Variants in ERI1 observed in about 807,000 individuals in gnomAD.
The protein encoded by ERI1 is 3'-5' exoribonuclease 1.
A neutral mutation model predicts 39.7 loss-of-function variants in ERI1; 39 were observed. The observed-to-expected ratio is 0.98, with a 90% CI of 0.76 to 1.28. ERI1 has a LOEUF of 1.28. Ranked by LOEUF, ERI1 falls within the 50% of genes most tolerant of loss-of-function variation. The pLI is 0.00. For synonymous variants in ERI1, 204 were observed against 149.6 expected (o/e 1.36, Z -2.65); for missense variants, 581 against 416.9 (o/e 1.39, Z -3.43).
intron 3 of ERI1, among the ~76,000 whole-genome samples, chr8:9,092,952 T>A (rs924578464): frequency 6.6e-6 from 1 of 152,056 alleles, no homozygotes; most frequent in African/African-American, 2.4e-5. Context: ...TTGCTGGGAG[T>A]CTTTGGCGTT....
At chr8:9,052,772 C>T (rs1798400587) in intron 3 of ERI1, among the ~76,000 whole-genome samples, 1 of 152,160 alleles carries the variant, frequency 6.6e-6, no homozygotes, top group Admixed American at 6.5e-5. Flanking sequence ...TTGGAAATTT[C>T]CGAGTGGTTC....
At chr8:9,080,419 C>T (rs950622743) in intron 3 of ERI1, among the ~76,000 whole-genome samples, 1 of 152,304 alleles carries the variant, frequency 6.6e-6, no homozygotes, top group Middle Eastern at 3.4e-3. Context: ...TGACATTTCT[C>T]CTTGCAGCCT....
At chr8:9,035,026 A>T (rs1797797396), downstream of ERI1, among the ~76,000 whole-genome samples, 1 of 152,218 alleles carries the variant, frequency 6.6e-6, no homozygotes, top group South Asian at 2.1e-4. Context: ...TAACTGTCTC[A>T]TATTCTGTGA....
chr8:9,053,303 C>T (rs1327096414), intron 3 of ERI1, among the ~76,000 whole-genome samples: 3 of 152,182 alleles, frequency 2.0e-5, no homozygotes, highest in African/African-American at 7.2e-5. Flanking sequence ...AGGCAAGAGC[C>T]ACCGCGCCCA....
chr8:9,013,513 A>G (rs904640840), intron 3 of ERI1, among the ~76,000 whole-genome samples: 1 of 151,790 alleles, frequency 6.6e-6, no homozygotes, highest in Non-Finnish European at 1.5e-5. Flanking sequence ...CCAGGTCTCA[A>G]TCCTAGCCCC....
downstream of ERI1, among the ~76,000 whole-genome samples, chr8:9,036,616 C>G (rs980458579): frequency 6.6e-6 from 1 of 152,146 alleles, no homozygotes; most frequent in Non-Finnish European, 1.5e-5. Context: ...TTGCAGTGGT[C>G]TGGAACTGAA....
intron 3 of ERI1, among the ~76,000 whole-genome samples, chr8:9,041,217 T>C (rs1798007360): frequency 6.6e-6 from 1 of 152,160 alleles, no homozygotes; most frequent in South Asian, 2.1e-4. Flanking sequence ...TTCTGGAAAT[T>C]CAGGAGAAAC....
intron 3 of ERI1, among the ~76,000 whole-genome samples, chr8:9,040,642 C>T (rs887567176): frequency 1.3e-5 from 2 of 151,942 alleles, no homozygotes; most frequent in Non-Finnish European, 2.9e-5. Flanking sequence ...AGACATATCC[C>T]ACATGAAGAC....
At chr8:9,016,868 G>A (rs543075859) in intron 4 of ERI1, among the ~76,000 whole-genome samples, 1 of 151,644 alleles carries the variant, frequency 6.6e-6, no homozygotes, top group South Asian at 2.1e-4. Context: ...TTTATTTTTA[G>A]TAGAGACCTG....
At chr8:9,097,923 T>A (rs1554444411) in intron 3 of ERI1, among the ~76,000 whole-genome samples, 1 of 152,182 alleles carries the variant, frequency 6.6e-6, no homozygotes, top group Non-Finnish European at 1.5e-5. Context: ...ATATACACCA[T>A]GGAATACTAC....
chr8:9,051,086 C>T (rs17702602), intron 3 of ERI1, among the ~76,000 whole-genome samples: 68,354 of 151,464 alleles, frequency 0.45, 16,822 homozygotes, highest in African/African-American at 0.61. Context: ...AAAGTAGGTA[C>T]GATAGATATT....
At position 9,017,106 on chromosome 8, in the gene ERI1, C is replaced by A. The variant is rs181855229; in HGVS notation, c.582+701C>A. Among the ~76,000 whole-genome samples the A allele has an allele frequency of 4.3e-3, 653 of 152,226 alleles. 1 individual carries two copies. Among genetic ancestry groups the A allele is most frequent in the African/African-American group, 0.014 (591 of 41,536 alleles). The stretch of plus-strand genomic sequence containing the variant: ...CCAGGCTGGAGTGCAGTGGCACGAT[C>A]TTGGCTCACTGCAACCTCTGCCTCC... On this transcript the variant is annotated intron_variant, in intron 4 of 6. Coordinates refer to ENST00000250263, the MANE Select transcript of ERI1 (RefSeq NM_153332.4).
At chr8:9,092,729 C>A (rs1799747583) in intron 3 of ERI1, among the ~76,000 whole-genome samples, 1 of 152,162 alleles carries the variant, frequency 6.6e-6, no homozygotes. Flanking sequence ...GTTCTTGAGA[C>A]CAGGGATTTA....
intron 3 of ERI1, among the ~76,000 whole-genome samples, chr8:9,041,837 C>T (rs1271502352): frequency 6.6e-6 from 1 of 152,162 alleles, no homozygotes; most frequent in Non-Finnish European, 1.5e-5. Context: ...CGGGTTCAGG[C>T]GATTCTCTTG....
At chr8:9,006,139 T>A (rs1815996426) in intron 1 of ERI1, among the ~76,000 whole-genome samples, 1 of 152,212 alleles carries the variant, frequency 6.6e-6, no homozygotes, top group African/African-American at 2.4e-5. Context: ...CAAGTAGGGT[T>A]TTTAGTATTT....
chr8:9,002,930 G>A lies in ERI1; in HGVS notation c.-134G>A. The stretch of plus-strand genomic sequence containing the variant: ...CCGGAAGTGGGAGGTGGCCGCTGGA[G>A]TTTGTGTGGCCGCCGCCGCGGGAAC... On this transcript the variant is annotated 5_prime_UTR_variant, in exon 1 of 7. Coordinates refer to ENST00000250263, the MANE Select transcript of ERI1 (RefSeq NM_153332.4). The A allele has an allele frequency of 1.7e-6, 1 of 599,268 alleles. No homozygotes were observed. The highest frequency in any genetic ancestry group is 2.4e-6 in the Non-Finnish European group (1 of 409,814). 37.1% of individuals were successfully genotyped at this position (599,268 alleles called of 1,614,324 possible).
chr8:9,025,654 ACT>A (rs1487839274), intron 6 of ERI1, among the ~76,000 whole-genome samples: 4 of 143,696 alleles, frequency 2.8e-5, no homozygotes, highest in Non-Finnish European at 6.1e-5. Context: ...AAAGTTAATA[ACT>A]CTTTTTTGGG....
chr8:9,043,891 G>C (rs374068600), intron 3 of ERI1, among the ~76,000 whole-genome samples: 31 of 152,274 alleles, frequency 2.0e-4, no homozygotes, highest in African/African-American at 7.2e-4. Flanking sequence ...AATTCTAATT[G>C]AGAAAATAAG....
At chr8:9,010,439 C>G (rs551350303) in intron 2 of ERI1, among the ~76,000 whole-genome samples, 2 of 152,118 alleles carry the variant, frequency 1.3e-5, no homozygotes, top group African/African-American at 2.4e-5. Context: ...TTTTGAAAAT[C>G]TCAAGCAAAG....
Sources: allele counts gnomAD v4.1 joint callset (sites outside exome capture counted in the v4.1 genomes callset), GRCh38; gene constraint gnomAD v4.1.1; transcripts MANE v1.5; gene names NCBI Gene and HGNC (gene_info 2026-07-23, HGNC 2026-07-21).